Variants in RAB3C observed in about 807,000 individuals in gnomAD.
RAB3C encodes the protein ras-related protein Rab-3C.
In RAB3C, 17 loss-of-function variants were observed where a neutral mutation model predicts 26.4. The ratio of observed to expected loss-of-function variants is 0.64; its 90% CI spans 0.44 to 0.97. The LOEUF (loss-of-function observed/expected upper bound fraction) is 0.97. RAB3C is among the 50% of genes least tolerant of loss of function. RAB3C has a pLI of 0.00. For missense variants in RAB3C, 242 were observed against 281.9 expected, an observed-to-expected ratio of 0.86 and a Z score of 1.01; for synonymous variants, 91 against 95.9, an observed-to-expected ratio of 0.95 and a Z score of 0.30.
chr5:58,776,320 G>A (rs1467617508), intron 3 of RAB3C, among the ~76,000 whole-genome samples: 1 of 151,946 alleles, frequency 6.6e-6, no homozygotes, highest in African/African-American at 2.4e-5. Context: ...AAACTCTTTT[G>A]ATGAAACTTC....
At position 58,703,967 on chromosome 5, in the gene RAB3C, C is replaced by A. The variant is rs369206507; in HGVS notation, c.253-22035C>A. The stretch of plus-strand genomic sequence containing the variant: ...CTTAAAATATGTAATTTAATCACAT[C>A]TTTGTGCAAATGAGGAAACTAAAAA... On this transcript the variant is annotated intron_variant, in intron 2 of 4. Transcript: ENST00000282878. 9.9e-5 allele frequency among the ~76,000 whole-genome samples: 15 copies of A among 152,262 alleles called. 1 individual carries two copies. The South Asian group carries it at 1.7e-3, about 17-fold the overall frequency.
chr5:58,697,424 A>T (rs536527701), intron 2 of RAB3C, among the ~76,000 whole-genome samples: 59 of 152,260 alleles, frequency 3.9e-4, no homozygotes, highest in African/African-American at 1.3e-3. Flanking sequence ...AGAGTTTTGT[A>T]GATGTCTATT....
chr5:58,693,647 T>C (rs1441356806), intron 2 of RAB3C, among the ~76,000 whole-genome samples: 1 of 152,144 alleles, frequency 6.6e-6, no homozygotes, highest in African/African-American at 2.4e-5. Flanking sequence ...CCATAGATGG[T>C]CCAACATAAA....
intron 2 of RAB3C, among the ~76,000 whole-genome samples, chr5:58,699,875 T>G (rs374023300): frequency 3.6e-4 from 55 of 152,330 alleles, no homozygotes; most frequent in African/African-American, 1.3e-3. Context: ...TTGTCACTGC[T>G]TCCCTTGGCT....
chr5:58,612,518 G>GTGTATATATATATATATATATATATATA (rs1446975350), intron 1 of RAB3C, among the ~76,000 whole-genome samples: 6 of 40,580 alleles, frequency 1.5e-4, no homozygotes, highest in Non-Finnish European at 2.5e-4. Context: ...GTGTGTGTGT[G>GTGTATATATATATATATATATATATATA]TGTATATATA....
At chr5:58,837,562 T>G (rs955915554) in intron 4 of RAB3C, among the ~76,000 whole-genome samples, 1 of 148,706 alleles carries the variant, frequency 6.7e-6, no homozygotes, top group Non-Finnish European at 1.5e-5. Context: ...TCTCTCTTTT[T>G]TTTTTTTTTT....
rs187990108 is a variant in RAB3C at position 58,819,678 on chromosome 5, C to A, written c.372-5360C>A. On this transcript the variant is annotated intron_variant, in intron 3 of 4. Transcript: ENST00000282878. ...TCACTTAAGGTCAGGAGTTCAAGAC[C>A]AGCCTAGCCAACATGGTGAAATCCT... is the stretch of plus-strand genomic sequence containing the variant. Among the ~76,000 whole-genome samples the A allele has an allele frequency of 2.3e-3, 349 of 152,016 alleles. 3 individuals are homozygous for A. Among genetic ancestry groups the A allele is most frequent in the Non-Finnish European group, 2.3e-3 (153 of 67,992 alleles).
chr5:58,770,908 T>A (rs1371260439), intron 3 of RAB3C, among the ~76,000 whole-genome samples: 1 of 152,112 alleles, frequency 6.6e-6, no homozygotes, highest in East Asian at 1.9e-4. Flanking sequence ...CGTAAAAACA[T>A]GTACATTACA....
chr5:58,629,343 C>T (rs1334369101), intron 2 of RAB3C, among the ~76,000 whole-genome samples: 1 of 152,094 alleles, frequency 6.6e-6, no homozygotes, highest in African/African-American at 2.4e-5. Flanking sequence ...AGCTGGAGAG[C>T]CAGGCAGGGG....
At chr5:58,592,583 C>T (rs780267986) in intron 1 of RAB3C, among the ~76,000 whole-genome samples, 12 of 152,072 alleles carry the variant, frequency 7.9e-5, no homozygotes, top group Non-Finnish European at 1.3e-4. Flanking sequence ...ATTAGCATTT[C>T]CTGTAGGATA....
At chr5:58,650,644 T>G (rs1272651150) in intron 2 of RAB3C, among the ~76,000 whole-genome samples, 1 of 152,172 alleles carries the variant, frequency 6.6e-6, no homozygotes, top group African/African-American at 2.4e-5. Context: ...TAGTTGTAAA[T>G]TATACTAAGG....
At chr5:58,583,371 G>T in intron 1 of RAB3C, 139 bp downstream of exon 1, 1 of 1,529,480 alleles carries the variant, frequency 6.5e-7, no homozygotes. Context: ...ATGACCCTGG[G>T]AACAGAGTTG....
intron 1 of RAB3C, among the ~76,000 whole-genome samples, chr5:58,596,824 T>G (rs866005899): frequency 3.8e-4 from 34 of 89,072 alleles, no homozygotes; most frequent in African/African-American, 1.5e-3. Context: ...ACATAATATA[T>G]TATATATAAA....
chr5:58,828,901 CT>C (rs762653092), intron 4 of RAB3C, among the ~76,000 whole-genome samples: 2,428 of 122,234 alleles, frequency 0.02, 49 homozygotes, highest in African/African-American at 0.048. Context: ...TTTTACCATG[CT>C]TTTTTTTTTT....
chr5:58,804,688 TG>T (rs1483593639), intron 3 of RAB3C, among the ~76,000 whole-genome samples: 2 of 151,910 alleles, frequency 1.3e-5, no homozygotes, highest in Non-Finnish European at 2.9e-5. Flanking sequence ...TGTGTGTGTG[TG>T]TATGTATGTA....
chr5:58,629,071 A>G (rs1008818217), intron 2 of RAB3C, among the ~76,000 whole-genome samples: 1 of 149,272 alleles, frequency 6.7e-6, no homozygotes, highest in Non-Finnish European at 1.5e-5. Flanking sequence ...AATTTATTTA[A>G]TTATTTATTT....
At chr5:58,666,866 T>C (rs209681) in intron 2 of RAB3C, among the ~76,000 whole-genome samples, 21,072 of 152,258 alleles carry the variant, frequency 0.14, 1,852 homozygotes, top group Middle Eastern at 0.23. Flanking sequence ...GGTGGAAATA[T>C]GAAAACAGCA....
At chr5:58,634,346 A>G (rs1747245554) in intron 2 of RAB3C, among the ~76,000 whole-genome samples, 1 of 152,184 alleles carries the variant, frequency 6.6e-6, no homozygotes, top group Non-Finnish European at 1.5e-5. Flanking sequence ...CAAGTGTAGC[A>G]TTCTGGTTAG....
chr5:58,806,907 A>AGAAACCACCCATCCC (rs897057642), intron 3 of RAB3C, among the ~76,000 whole-genome samples: 11 of 152,246 alleles, frequency 7.2e-5, no homozygotes. Context: ...CTCACTGAGC[A>AGAAACCACCCATCCC]GAAACCACCC....
Sources: allele counts gnomAD v4.1 joint callset (sites outside exome capture counted in the v4.1 genomes callset), GRCh38; gene constraint gnomAD v4.1.1; transcripts MANE v1.5; gene names NCBI Gene and HGNC (gene_info 2026-07-23, HGNC 2026-07-21).